The following TBC1D32 variants were observed in gnomAD, a reference collection of about 807,000 sequenced individuals.
The protein encoded by TBC1D32 is TBC1 domain family member 32, also known as protein broad-minded.
A neutral mutation model predicts 170.3 loss-of-function variants in TBC1D32; 151 were observed. The ratio of observed to expected loss-of-function variants is 0.89; its 90% CI spans 0.78 to 1.01. The LOEUF (loss-of-function observed/expected upper bound fraction) is 1.01, where lower values mean the gene tolerates loss of function less well. TBC1D32 is among the 50% of genes least tolerant of loss of function. TBC1D32 has a pLI of 0.00. For synonymous variants in TBC1D32, 498 were observed against 488.0 expected (o/e 1.02, Z -0.27); for missense variants, 1,464 against 1,457.1 (o/e 1.00, Z -0.08).
chr6:121,311,131 T>C (rs1214785185), intron 3 of TBC1D32, among the ~76,000 whole-genome samples: 2 of 152,114 alleles, frequency 1.3e-5, no homozygotes, highest in African/African-American at 4.8e-5. Context: ...AAAGCCAAAA[T>C]GCTGCATACT....
At chr6:121,328,940 A>G (rs2128513293) in intron 1 of TBC1D32, among the ~76,000 whole-genome samples, 1 of 152,348 alleles carries the variant, frequency 6.6e-6, no homozygotes, top group Non-Finnish European at 1.5e-5. Context: ...AATGCAAAAT[A>G]TCTTTTACAA....
chr6:121,238,002 A>C (rs1796525190), intron 20 of TBC1D32, among the ~76,000 whole-genome samples: 1 of 152,148 alleles, frequency 6.6e-6, no homozygotes, highest in South Asian at 2.1e-4. Flanking sequence ...CATTGGCCAG[A>C]TTCAAACTGA....
chr6:121,226,672 TG>T (rs1795109770), intron 20 of TBC1D32, among the ~76,000 whole-genome samples: 1 of 152,122 alleles, frequency 6.6e-6, no homozygotes, highest in Admixed American at 6.6e-5. Context: ...ATAAGGTTAG[TG>T]TTCGGGGAAT....
At chr6:121,224,312 T>C (rs967163134) in intron 20 of TBC1D32, 2 of 152,178 alleles carry the variant, frequency 1.3e-5, no homozygotes, top group African/African-American at 2.4e-5. Flanking sequence ...AGAAGTCCTA[T>C]GTTCTGTCAA....
chr6:121,170,042 A>T (rs1202473160), intron 22 of TBC1D32, among the ~76,000 whole-genome samples: 3 of 152,098 alleles, frequency 2.0e-5, no homozygotes, highest in Non-Finnish European at 4.4e-5. Flanking sequence ...ATAGCAGCTG[A>T]ATTAAAAGGC....
At chr6:121,148,818 T>G (rs1172528987) in intron 24 of TBC1D32, among the ~76,000 whole-genome samples, 2 of 152,120 alleles carry the variant, frequency 1.3e-5, no homozygotes, top group African/African-American at 2.4e-5. Context: ...TTCACCATGT[T>G]GGCCAGGCTG....
intron 24 of TBC1D32, among the ~76,000 whole-genome samples, chr6:121,136,403 G>C (rs1221371813): frequency 1.3e-5 from 2 of 152,134 alleles, no homozygotes; most frequent in Admixed American, 1.3e-4. Context: ...ACATGGTTTT[G>C]CTCCCCAGGG....
intron 10 of TBC1D32, among the ~76,000 whole-genome samples, chr6:121,297,372 TAA>T (rs934624195): frequency 2.6e-5 from 4 of 151,970 alleles, no homozygotes; most frequent in Non-Finnish European, 4.4e-5. Context: ...TTAAATACAA[TAA>T]GACACGAAAA....
At chr6:121,104,146 TATC>T (rs1403582871) in intron 30 of TBC1D32, among the ~76,000 whole-genome samples, 3 of 151,762 alleles carry the variant, frequency 2.0e-5, no homozygotes, top group Non-Finnish European at 4.4e-5. Flanking sequence ...TGAAAGCTCA[TATC>T]ATAATATCAA....
At chr6:121,117,394 G>A (rs532717182) in intron 26 of TBC1D32, among the ~76,000 whole-genome samples, 2 of 152,150 alleles carry the variant, frequency 1.3e-5, no homozygotes, top group East Asian at 1.9e-4. Flanking sequence ...AATGGGTTAG[G>A]GGCATATATT....
At chr6:121,126,853 G>T (rs1780912485) in intron 25 of TBC1D32, among the ~76,000 whole-genome samples, 1 of 151,990 alleles carries the variant, frequency 6.6e-6, no homozygotes, top group South Asian at 2.1e-4. Context: ...TCAATGCATA[G>T]CTCATTCAAA....
At chr6:121,247,695 C>CAAAAAAAAAAAAA (rs34914027) in intron 17 of TBC1D32, among the ~76,000 whole-genome samples, 101 of 46,540 alleles carry the variant, frequency 2.2e-3, no homozygotes, top group Middle Eastern at 0.038. Flanking sequence ...GGCTTTAAAG[C>CAAAAAAAAAAAAA]AAAAAAAAAA....
chr6:121,223,179 T>C, intron 21 of TBC1D32, 57 bp downstream of exon 21: 1 of 1,136,360 alleles, frequency 8.8e-7, no homozygotes, highest in Non-Finnish European at 1.2e-6. Flanking sequence ...ACCTTTTTAC[T>C]ACCAATCTCA....
At chr6:121,229,191 A>G (rs947926508) in intron 20 of TBC1D32, among the ~76,000 whole-genome samples, 6 of 152,060 alleles carry the variant, frequency 3.9e-5, no homozygotes, top group Non-Finnish European at 5.9e-5. Context: ...CCCTCCCTCC[A>G]TAACACCCAG....
At chr6:121,182,156 C>T (rs1210580674) in intron 22 of TBC1D32, among the ~76,000 whole-genome samples, 1 of 151,722 alleles carries the variant, frequency 6.6e-6, no homozygotes, top group Non-Finnish European at 1.5e-5. Flanking sequence ...ATAATTGTTA[C>T]CATTAGAGGG....
rs980282925 is a variant in TBC1D32, at chr6:121,126,553, A to T, written c.2900-92T>A. ...ATCACAGAACTAGTAGGTAAAAGTC[A>T]TCTGAACTTCACAGATACACTCTAA... On this transcript the variant is annotated intron_variant, in intron 25 of 31. Transcript: ENST00000398212. 6 of 872,668 alleles carry T rather than the reference A, an allele frequency of 6.9e-6. No homozygotes were observed. In the African/African-American group the frequency reaches 1.0e-4, roughly 15 times the overall value. 54.1% of individuals were successfully genotyped at this position (872,668 alleles called of 1,614,324 possible). A position where few individuals can be genotyped will look rare whatever the true frequency, so the allele number is the denominator to read the frequency against.
chr6:121,280,734 G>A (rs1044212101), intron 14 of TBC1D32, among the ~76,000 whole-genome samples: 4 of 151,610 alleles, frequency 2.6e-5, no homozygotes, highest in Non-Finnish European at 3.0e-5. Flanking sequence ...AAAGTAATTA[G>A]GGGACAGAAA....
chr6:121,318,792 T>C (rs1423466225), intron 2 of TBC1D32, among the ~76,000 whole-genome samples: 1 of 151,112 alleles, frequency 6.6e-6, no homozygotes, highest in Non-Finnish European at 1.5e-5. Context: ...TGTGTATATA[T>C]ACATATATAC....
At chr6:121,103,803 T>C (rs1325614893) in intron 30 of TBC1D32, among the ~76,000 whole-genome samples, 2 of 151,814 alleles carry the variant, frequency 1.3e-5, no homozygotes, top group Non-Finnish European at 2.9e-5. Flanking sequence ...TACACTAACG[T>C]AGATTAGAAA....
Sources: allele counts gnomAD v4.1 joint callset (sites outside exome capture counted in the v4.1 genomes callset), GRCh38; gene constraint gnomAD v4.1.1; transcripts MANE v1.5; gene names NCBI Gene and HGNC (gene_info 2026-07-23, HGNC 2026-07-21).